The following S100Z variants were observed in gnomAD, a reference collection of about 807,000 sequenced individuals.
S100Z encodes the protein protein S100-Z.
In S100Z, 11 loss-of-function variants were observed where a neutral mutation model predicts 8.5. The observed-to-expected ratio is 1.30, with a 90% confidence interval of 0.82 to 2.15. The LOEUF (loss-of-function observed/expected upper bound fraction) is 2.15, where lower values mean the gene tolerates loss of function less well. Ranked by LOEUF, S100Z falls within the 30% of genes most tolerant of loss-of-function variation. The pLI is 0.00. For missense variants in S100Z, 126 were observed against 117.9 expected, an observed-to-expected ratio of 1.07 and a Z score of -0.32; for synonymous variants, 34 against 43.8, an observed-to-expected ratio of 0.78 and a Z score of 0.89.
downstream of S100Z, among the ~76,000 whole-genome samples, chr5:76,923,322 C>T (rs1027881569): frequency 1.8e-4 from 27 of 152,300 alleles, no homozygotes; most frequent in African/African-American, 6.3e-4. Flanking sequence ...CATTTATTCC[C>T]ATGTTATTTA....
chr5:76,941,178 T>G, the S100Z span, among the ~76,000 whole-genome samples: 2 of 152,144 alleles, frequency 1.3e-5, no homozygotes, highest in African/African-American at 4.8e-5. Flanking sequence ...TCAGCTTAAT[T>G]TTTTTCGTTT....
At chr5:76,944,507 TAG>T in the S100Z span, among the ~76,000 whole-genome samples, 1 of 152,132 alleles carries the variant, frequency 6.6e-6, no homozygotes, top group African/African-American at 2.4e-5. Context: ...ATCTGTTGTT[TAG>T]AGTTTGTTCA....
chr5:76,880,085 A>G (rs578087539), intron 4 of S100Z, among the ~76,000 whole-genome samples: 22 of 152,280 alleles, frequency 1.4e-4, no homozygotes, highest in African/African-American at 4.8e-4. Flanking sequence ...TTGCGGGCAG[A>G]GGGTGGATCT....
intron 3 of S100Z, among the ~76,000 whole-genome samples, chr5:76,876,462 A>T (rs1295449106): frequency 1.3e-5 from 2 of 150,970 alleles, no homozygotes; most frequent in East Asian, 3.9e-4. Context: ...TCCACCTCCC[A>T]GGTTCGAGTG....
chr5:76,898,933 C>CTTTTTTTTTTT (rs56287065), intron 4 of S100Z, among the ~76,000 whole-genome samples: 5 of 109,952 alleles, frequency 4.5e-5, no homozygotes, highest in African/African-American at 1.1e-4. Flanking sequence ...CTTTTCTTTT[C>CTTTTTTTTTTT]TTTTTTTTTT....
downstream of S100Z, among the ~76,000 whole-genome samples, chr5:76,926,536 G>T (rs557303971): frequency 3.3e-5 from 5 of 152,272 alleles, no homozygotes; most frequent in African/African-American, 9.6e-5. Flanking sequence ...TGTGAAATTT[G>T]CAAGAAAGTC....
downstream of S100Z, among the ~76,000 whole-genome samples, chr5:76,922,645 T>G (rs1044400044): frequency 3.3e-5 from 5 of 152,136 alleles, no homozygotes; most frequent in African/African-American, 1.2e-4. Context: ...TGCCTCAGCC[T>G]CCCGAGTAGC....
downstream of S100Z, among the ~76,000 whole-genome samples, chr5:76,926,021 G>A (rs1004863253): frequency 2.6e-5 from 4 of 152,120 alleles, no homozygotes; most frequent in Admixed American, 6.6e-5. Context: ...TAGTTTCAAA[G>A]GTTGGTAAAC....
chr5:76,904,137 A>G lies in S100Z; in HGVS notation c.*3-16580A>G, dbSNP rs539799714. ...TTCTTGAGTTTTAAGAGTTCTTTAT[A>G]TATTATAAATATAAGATCTTTGCCA... On this transcript the variant is annotated intron_variant, in intron 4 of 4. Transcript: ENST00000317593. 3.3e-5 allele frequency among the ~76,000 whole-genome samples: 5 copies of G among 152,306 alleles called. No individual in the cohort carries two copies. In the East Asian group the frequency reaches 9.6e-4, roughly 29 times the overall value.
the S100Z span, among the ~76,000 whole-genome samples, chr5:76,929,391 T>C: frequency 6.6e-6 from 1 of 152,166 alleles, no homozygotes; most frequent in African/African-American, 2.4e-5. Flanking sequence ...ACAATTTGTC[T>C]CTCAGATATA....
chr5:76,941,796 TC>T, the S100Z span, among the ~76,000 whole-genome samples: 860 of 150,878 alleles, frequency 5.7e-3, 5 homozygotes, highest in African/African-American at 0.017. Flanking sequence ...GGAGTTATGC[TC>T]CCCCCCCTTG....
At chr5:76,857,635 A>T (rs1468738826) in intron 1 of S100Z, among the ~76,000 whole-genome samples, 1 of 151,942 alleles carries the variant, frequency 6.6e-6, no homozygotes, top group African/African-American at 2.4e-5. Flanking sequence ...AGTAGTTGGA[A>T]CTACCGGCAT....
the S100Z span, among the ~76,000 whole-genome samples, chr5:76,939,788 C>T: frequency 2.0e-5 from 3 of 151,972 alleles, no homozygotes; most frequent in African/African-American, 7.2e-5. Context: ...GCTGGGATTA[C>T]AGGTGCGAGC....
intron 4 of S100Z, among the ~76,000 whole-genome samples, chr5:76,919,526 TCCTCCCTC>T (rs145366090): frequency 1.5e-4 from 19 of 125,928 alleles, no homozygotes; most frequent in South Asian, 8.3e-4. Flanking sequence ...TCTTCTCCCT[TCCTCCCTC>T]CCTCCCTCCC....
chr5:76,864,796 C>G (rs112003759), intron 1 of S100Z, among the ~76,000 whole-genome samples: 1 of 152,122 alleles, frequency 6.6e-6, no homozygotes, highest in African/African-American at 2.4e-5. Context: ...GCAACCTCTG[C>G]CTCCCGGGTT....
chr5:76,896,697 T>C (rs1302915600), intron 4 of S100Z, among the ~76,000 whole-genome samples: 3 of 152,200 alleles, frequency 2.0e-5, no homozygotes, highest in African/African-American at 7.2e-5. Flanking sequence ...CTTGCCAGCA[T>C]TCATTTTACC....
the S100Z span, among the ~76,000 whole-genome samples, chr5:76,946,848 C>T: frequency 6.6e-6 from 1 of 152,100 alleles, no homozygotes; most frequent in Non-Finnish European, 1.5e-5. Flanking sequence ...GACATTGAAT[C>T]GAGGTGGGCC....
the S100Z span, among the ~76,000 whole-genome samples, chr5:76,945,826 T>C: frequency 6.6e-6 from 1 of 152,190 alleles, no homozygotes; most frequent in Non-Finnish European, 1.5e-5. Flanking sequence ...GTATGTTAAG[T>C]GCCGGTCTCC....
At chr5:76,914,613 G>T (rs573725968) in intron 4 of S100Z, among the ~76,000 whole-genome samples, 119 of 152,170 alleles carry the variant, frequency 7.8e-4, no homozygotes, top group Non-Finnish European at 1.4e-3. Context: ...CACACTTACC[G>T]TGAAGGTCTG....
Sources: allele counts gnomAD v4.1 joint callset (sites outside exome capture counted in the v4.1 genomes callset), GRCh38; gene constraint gnomAD v4.1.1; transcripts MANE v1.5; gene names NCBI Gene and HGNC (gene_info 2026-07-23, HGNC 2026-07-21).